SNRPN: variants seen among roughly 807,000 people sequenced by gnomAD.
The protein encoded by SNRPN is small nuclear ribonucleoprotein-associated protein N.
In SNRPN, 7 loss-of-function variants were observed where a neutral mutation model predicts 25.2. The observed-to-expected ratio is 0.28, with a 90% CI of 0.16 to 0.52. SNRPN has a LOEUF of 0.52. SNRPN is among the 20% of genes least tolerant of loss of function. The pLI is 0.96. For synonymous variants in SNRPN, 124 were observed against 110.6 expected (o/e 1.12, Z -0.76); for missense variants, 196 against 322.5 (o/e 0.61, Z 3.00).
chr15:24,835,324 ATG>A (rs1440920461), intron 2 of SNRPN, among the ~76,000 whole-genome samples: 1 of 151,708 alleles, frequency 6.6e-6, no homozygotes, highest in Non-Finnish European at 1.5e-5. Context: ...GCTGTAGTAA[ATG>A]TGCATTGTCA....
chr15:24,881,584 G>GGAGAGAGAGAGAGAGA (rs1157961647), intron 1 of SNRPN, among the ~76,000 whole-genome samples: 2 of 57,634 alleles, frequency 3.5e-5, no homozygotes, highest in African/African-American at 5.9e-5. Flanking sequence ...AGGGAGGGAG[G>GGAGAGAGAGAGAGAGA]GAGAGAGAGA....
chr15:24,895,517 A>G (rs2058034596), intron 2 of SNRPN, among the ~76,000 whole-genome samples: 1 of 152,034 alleles, frequency 6.6e-6, no homozygotes, highest in Admixed American at 6.6e-5. Flanking sequence ...AGTCAAAAAG[A>G]GAATTGAAAT....
chr15:24,896,518 G>A (rs571191102), intron 2 of SNRPN, among the ~76,000 whole-genome samples: 10 of 151,528 alleles, frequency 6.6e-5, no homozygotes, highest in South Asian at 2.1e-4. Context: ...AGACCCCCCC[G>A]CCGGCTAACA....
At chr15:24,833,051 G>C (rs1399908556) in intron 2 of SNRPN, among the ~76,000 whole-genome samples, 1 of 132,510 alleles carries the variant, frequency 7.5e-6, no homozygotes, top group African/African-American at 2.8e-5. Context: ...CTTGCAGTGA[G>C]CCAAGATTGC....
chr15:24,955,172 G>T (rs2062632413), intron 1 of SNRPN, 110 bp downstream of exon 1: 5 of 1,445,778 alleles, frequency 3.5e-6, no homozygotes, highest in Middle Eastern at 4.1e-4. Context: ...ACGGAATTTG[G>T]GCCCTAAAGT....
At chr15:24,918,500 A>G (rs1236310792) in intron 2 of SNRPN, among the ~76,000 whole-genome samples, 1 of 129,878 alleles carries the variant, frequency 7.7e-6, no homozygotes, top group Admixed American at 8.7e-5. Flanking sequence ...ATATGTGTGT[A>G]TATATAACAT....
At chr15:24,946,006 T>C (rs1341641627) in intron 3 of SNRPN, among the ~76,000 whole-genome samples, 1 of 152,216 alleles carries the variant, frequency 6.6e-6, no homozygotes, top group Non-Finnish European at 1.5e-5. Flanking sequence ...AATGTGTGTG[T>C]GTCCTGTTTT....
intron 2 of SNRPN, among the ~76,000 whole-genome samples, chr15:24,963,860 C>A (rs2075229167): frequency 6.6e-6 from 1 of 151,780 alleles, no homozygotes; most frequent in Non-Finnish European, 1.5e-5. Flanking sequence ...CATAGAGAGA[C>A]CTCCTCTCTA....
intron 3 of SNRPN, among the ~76,000 whole-genome samples, chr15:24,932,177 G>A (rs919017450): frequency 6.6e-6 from 1 of 152,174 alleles, no homozygotes; most frequent in Non-Finnish European, 1.5e-5. Flanking sequence ...GCCTTGAGAT[G>A]CTAGAATCTA....
At chr15:24,908,719 A>G (rs1410348053) in intron 2 of SNRPN, among the ~76,000 whole-genome samples, 1 of 152,144 alleles carries the variant, frequency 6.6e-6, no homozygotes, top group East Asian at 1.9e-4. Context: ...GCTTATATAC[A>G]TTTTAAGCTC....
rs568468410 is a variant in SNRPN at position 24,968,417 on chromosome 15, T to C, written c.-144+335T>C. The C allele has an allele frequency of 5.8e-5, 11 of 188,384 alleles. No individual in the cohort carries two copies. In the East Asian group the frequency reaches 1.7e-3, roughly 29 times the overall value. 11.7% of individuals were successfully genotyped at this position (188,384 alleles called of 1,614,324 possible). ...TCCTTTTGTGGGAGGTGTCATTTTT[T>C]TCTGCCAGTAGTTTGAACAAAGCTT... is the stretch of plus-strand genomic sequence containing the variant. On this transcript the variant is annotated intron_variant, in intron 3 of 9. Transcript: ENST00000390687.
intron 2 of SNRPN, chr15:24,848,618 C>G (rs2052490691): frequency 6.6e-6 from 1 of 152,100 alleles, no homozygotes; most frequent in African/African-American, 2.4e-5. Flanking sequence ...TTAATAACTT[C>G]AATGTCTTTT....
rs1566807602 is a variant in SNRPN at position 24,835,106 on chromosome 15, A to AGTATATGTAT, written c.-579+5201_-579+5202insGTATATGTAT. ...ATATATAAAATATATAGATATATATACTATATATCTATATATAAAATATAT... is the reference window on the plus strand; with the variant it reads ...ATATATAAAATATATAGATATATATAGTATATGTATCTATATATCTATATATAAAATATAT... On this transcript the variant is annotated intron_variant, in intron 2 of 12. Coordinates refer to the SNRPN transcript ENST00000400100. 1.5e-3 allele frequency among the ~76,000 whole-genome samples: 31 copies of AGTATATGTAT among 20,674 alleles called. 1 individual carries two copies. The highest frequency in any genetic ancestry group is 4.7e-3 in the African/African-American group (29 of 6,146). 13.6% of individuals were successfully genotyped at this position (20,674 alleles called of 152,430 possible).
At chr15:24,871,213 C>T (rs774030048) in intron 1 of SNRPN, among the ~76,000 whole-genome samples, 13 of 151,680 alleles carry the variant, frequency 8.6e-5, no homozygotes, top group South Asian at 2.1e-4. Flanking sequence ...TTTTAATTTC[C>T]GTACATTTAG....
At chr15:24,910,113 T>C (rs1348416266) in intron 2 of SNRPN, among the ~76,000 whole-genome samples, 2 of 152,196 alleles carry the variant, frequency 1.3e-5, no homozygotes, top group Non-Finnish European at 2.9e-5. Flanking sequence ...AAACTGACTG[T>C]TCTGGTTGCT....
At chr15:24,960,030 C>G (rs559408777) in intron 1 of SNRPN, among the ~76,000 whole-genome samples, 2 of 151,884 alleles carry the variant, frequency 1.3e-5, no homozygotes, top group South Asian at 4.2e-4. Flanking sequence ...TTTGGGAGGC[C>G]GAGGTGGGTA....
intron 1 of SNRPN, among the ~76,000 whole-genome samples, chr15:24,863,955 G>T (rs750709190): frequency 2.0e-5 from 3 of 149,964 alleles, no homozygotes; most frequent in Non-Finnish European, 2.9e-5. Flanking sequence ...TTCCTATGGA[G>T]GAAATTTAGA....
At chr15:24,949,641 A>C (rs905167182) in intron 3 of SNRPN, among the ~76,000 whole-genome samples, 1 of 151,928 alleles carries the variant, frequency 6.6e-6, no homozygotes, top group Non-Finnish European at 1.5e-5. Context: ...ACAGAGTGAC[A>C]CTCTATCTCA....
chr15:24,909,545 G>A, intron 2 of SNRPN: 1 of 1,449,688 alleles, frequency 6.9e-7, no homozygotes, highest in South Asian at 1.1e-5. Flanking sequence ...AGCATAATTT[G>A]TCGGGCCAAC....
Sources: gnomAD v4.1 joint callset for allele counts (sites outside exome capture counted in the v4.1 genomes callset) on GRCh38, gnomAD v4.1.1 for gene constraint, MANE v1.5 for transcripts, NCBI Gene and HGNC (gene_info 2026-07-23, HGNC 2026-07-21) for gene names.